Variants in NSUN4 observed in about 807,000 individuals in gnomAD.
The protein encoded by NSUN4 is 5-cytosine rRNA methyltransferase NSUN4.
In NSUN4, 31 loss-of-function variants were observed where a neutral mutation model predicts 43.8. The observed-to-expected ratio is 0.71, with a 90% CI of 0.53 to 0.96. NSUN4 has a LOEUF of 0.96. Ranked by LOEUF, NSUN4 falls within the 40% of genes least tolerant of loss-of-function variation. The pLI is 0.00. For synonymous variants in NSUN4, 167 were observed against 184.1 expected (o/e 0.91, Z 0.75); for missense variants, 439 against 475.6 (o/e 0.92, Z 0.72).
chr1:46,374,584 G>A, the NSUN4 span, among the ~76,000 whole-genome samples: 1 of 151,912 alleles, frequency 6.6e-6, no homozygotes, highest in Non-Finnish European at 1.5e-5. Flanking sequence ...ACTCCAGCCT[G>A]GACAACAGAG....
the NSUN4 span, among the ~76,000 whole-genome samples, chr1:46,383,246 G>T: frequency 1.3e-5 from 2 of 152,186 alleles, no homozygotes; most frequent in African/African-American, 4.8e-5. Context: ...AAAGAGGAGG[G>T]GCAGGGGGTG....
chr1:46,352,995 A>G lies in NSUN4; in HGVS notation c.720A>G (p.Lys240=). The part of the protein sequence containing the change: ...QVRVTSWDGR[K]WGELEGDTYD... ...GAGTTACCTCATGGGATGGCAGGAA[A>G]TGGGGAGAACTGGAGGGGGACACCT... is the stretch of plus-strand genomic sequence containing the variant. Residue 240 remains lysine, a synonymous_variant, in exon 4 of 6, where the codon AAA becomes AAG. Transcript: ENST00000474844. 1.2e-6 allele frequency: 2 copies of G among 1,614,184 alleles called. No individual in the cohort carries two copies. The highest frequency in any genetic ancestry group is 1.1e-5 in the South Asian group (1 of 91,084).
chr1:46,374,394 G>A, the NSUN4 span, among the ~76,000 whole-genome samples: 1 of 151,522 alleles, frequency 6.6e-6, no homozygotes, highest in East Asian at 1.9e-4. Context: ...CAGGTCATGA[G>A]GTCAGGAGTT....
intron 2 of NSUN4, among the ~76,000 whole-genome samples, chr1:46,346,644 A>G (rs1662524494): frequency 6.6e-6 from 1 of 151,988 alleles, no homozygotes. Flanking sequence ...GAATCACTTG[A>G]ACCTGGGAGG....
In NSUN4 at chr1:46,362,700, C is replaced by G. The variant is rs921435035; in HGVS notation, c.*854C>G. 1 of 152,154 alleles carries G rather than the reference C, an allele frequency of 6.6e-6. No homozygotes were observed. The highest frequency in any genetic ancestry group is 6.6e-5 in the Admixed American group (1 of 15,258). 9.4% of individuals were successfully genotyped at this position (152,154 alleles called of 1,614,324 possible). The stretch of plus-strand genomic sequence containing the variant: ...AACTCTCCTTTTGCTTTCTGAACAC[C>G]TAGGAATTTCCTGATGTTTTGTTTT... On this transcript the variant is annotated 3_prime_UTR_variant, in exon 6 of 6. Transcript: ENST00000474844.
At chr1:46,373,465 A>T in the NSUN4 span, among the ~76,000 whole-genome samples, 1 of 152,222 alleles carries the variant, frequency 6.6e-6, no homozygotes. Context: ...GGTGGCTGGG[A>T]AGTCCAAGGT....
intron 3 of NSUN4, among the ~76,000 whole-genome samples, chr1:46,351,659 CTTTTTTTTTT>C (rs1190689943): frequency 2.2e-5 from 2 of 88,894 alleles, no homozygotes; most frequent in African/African-American, 9.2e-5. Context: ...GACCCAGTCT[CTTTTTTTTTT>C]TTTTTTTTTT....
chr1:46,368,529 C>T (rs1035167008), downstream of NSUN4, among the ~76,000 whole-genome samples: 2 of 152,124 alleles, frequency 1.3e-5, no homozygotes, highest in Non-Finnish European at 2.9e-5. Flanking sequence ...TGGAAGCTGT[C>T]TTAGACCTCC....
intron 3 of NSUN4, among the ~76,000 whole-genome samples, chr1:46,349,399 C>G (rs1209457712): frequency 6.6e-6 from 1 of 152,144 alleles, no homozygotes; most frequent in Non-Finnish European, 1.5e-5. Flanking sequence ...CTTGGCCTCC[C>G]AAAGTGCTGG....
intron 3 of NSUN4, among the ~76,000 whole-genome samples, chr1:46,347,339 G>A (rs887498573): frequency 1.3e-5 from 2 of 152,146 alleles, no homozygotes; most frequent in Non-Finnish European, 1.5e-5. Flanking sequence ...TCAGGAGGCT[G>A]AGGCAGGAGA....
In NSUN4 at chr1:46,340,833, G is replaced by A. The variant is rs761997164; in HGVS notation, c.7G>A (p.Ala3Thr). The A allele has an allele frequency of 1.4e-5, 22 of 1,610,910 alleles. No individual in the cohort carries two copies. The highest frequency in any genetic ancestry group is 1.8e-5 in the Non-Finnish European group (21 of 1,178,798). ...CCCCGTGGAGCACGCCGATATGGCT[G>A]CGCTGACACTGAGGGGTGTCCGGGA... MA[A>T]LTLRGVRELL... The change falls in exon 1 of 6, where the codon GCG becomes ACG. Residue 3 changes from alanine (A) to threonine (T), a missense_variant. Transcript: ENST00000474844.
intron 1 of NSUN4, chr1:46,343,595 A>C (rs1183291358): frequency 5.0e-6 from 2 of 400,080 alleles, no homozygotes; most frequent in Non-Finnish European, 8.8e-6. Context: ...ATGATGGCAG[A>C]AGTCAGAGCT....
At position 46,346,975 on chromosome 1, in the gene NSUN4, G is replaced by T. The variant is rs1211560949; in HGVS notation, c.492G>T (p.Leu164=). The change falls in exon 3 of 6, where the codon CTG becomes CTT. Residue 164 remains leucine (L), a synonymous_variant. Transcript: ENST00000474844. ...EYYLMDAASL[L]PVLALGLQPG... is the part of the protein sequence containing the mutation. ...ACCTGATGGATGCTGCCTCCTTGCT[G>T]CCTGTTCTGGCCCTCGGCCTGCAGC... The T allele has an allele frequency of 6.2e-7, 1 of 1,614,020 alleles. No homozygotes were observed. Among genetic ancestry groups the T allele is most frequent in the Non-Finnish European group, 8.5e-7 (1 of 1,180,004 alleles).
intron 4 of NSUN4, among the ~76,000 whole-genome samples, chr1:46,353,325 A>G (rs1449701358): frequency 1.3e-5 from 2 of 152,228 alleles, no homozygotes; most frequent in African/African-American, 4.8e-5. Flanking sequence ...AGCCTCATGA[A>G]GGTAAGTAAG....
chr1:46,381,302 A>G, the NSUN4 span, among the ~76,000 whole-genome samples: 1 of 152,146 alleles, frequency 6.6e-6, no homozygotes, highest in Non-Finnish European at 1.5e-5. Flanking sequence ...ATATAGTAGC[A>G]GGTGTCAGTG....
chr1:46,350,605 A>T (rs1662906212), intron 3 of NSUN4, among the ~76,000 whole-genome samples: 1 of 152,226 alleles, frequency 6.6e-6, no homozygotes, highest in Non-Finnish European at 1.5e-5. Context: ...TCTACCAATA[A>T]AGAGAAAATG....
chr1:46,378,265 T>C, the NSUN4 span, among the ~76,000 whole-genome samples: 1 of 151,758 alleles, frequency 6.6e-6, no homozygotes, highest in Non-Finnish European at 1.5e-5. Flanking sequence ...TGGTGCAATC[T>C]TGGCTCACCA....
chr1:46,363,341 A>G lies in NSUN4; in HGVS notation c.*1495A>G, dbSNP rs17357711. On this transcript the variant is annotated 3_prime_UTR_variant, in exon 6 of 6. Transcript: ENST00000474844. ...GGCATATGGTCCCTGCATGCTGTTC[A>G]CTCTGTATAGTACTTAGTATTCGCT... 0.22 allele frequency: 34,123 copies of G among 152,040 alleles called. 4,298 individuals are homozygous for G. Among genetic ancestry groups the G allele is most frequent in the Non-Finnish European group, 0.29 (19,776 of 67,968 alleles). 9.4% of individuals were successfully genotyped at this position (152,040 alleles called of 1,614,324 possible).
At chr1:46,353,783 ATAT>A (rs1663176246) in intron 4 of NSUN4, among the ~76,000 whole-genome samples, 1 of 92,234 alleles carries the variant, frequency 1.1e-5, no homozygotes, top group Non-Finnish European at 2.9e-5. Flanking sequence ...AGCCGGTAGT[ATAT>A]TATATTATAC....
Sources: allele counts gnomAD v4.1 joint callset (sites outside exome capture counted in the v4.1 genomes callset), GRCh38; gene constraint gnomAD v4.1.1; transcripts MANE v1.5; gene names NCBI Gene and HGNC (gene_info 2026-07-23, HGNC 2026-07-21).